Variants in CSMD1 observed in about 807,000 individuals in gnomAD.
CSMD1 encodes CUB and sushi domain-containing protein 1.
In CSMD1, 213 loss-of-function variants were observed where a neutral mutation model predicts 417.5. That is an observed-to-expected ratio of 0.51 (90% CI 0.46 to 0.57). The LOEUF is 0.57. CSMD1 is among the 20% of genes least tolerant of loss of function. CSMD1 has a pLI of 0.00. For missense variants in CSMD1, 6,923 were observed against 4,529.7 expected (o/e 1.53, Z -15.17); for synonymous variants, 2,862 against 1,736.8 (o/e 1.65, Z -16.11).
At chr8:3,924,733 T>C (rs1304871758) in intron 5 of CSMD1, among the ~76,000 whole-genome samples, 2 of 151,884 alleles carry the variant, frequency 1.3e-5, no homozygotes, top group African/African-American at 4.8e-5. Flanking sequence ...TTCACCTCTT[T>C]GTTGAACTAC....
At chr8:4,352,073 C>T (rs1053125762) in intron 3 of CSMD1, among the ~76,000 whole-genome samples, 7 of 151,670 alleles carry the variant, frequency 4.6e-5, no homozygotes, top group Non-Finnish European at 1.0e-4. Context: ...TCAGTGTTAG[C>T]CACTCTCCTT....
intron 2 of CSMD1, among the ~76,000 whole-genome samples, chr8:4,546,859 A>G (rs966505913): frequency 3.3e-5 from 5 of 152,000 alleles, no homozygotes; most frequent in Non-Finnish European, 7.4e-5. Flanking sequence ...ATATATATGT[A>G]TATCCTATCT....
Position 3,998,129 on chromosome 8 carries a change from A to C in CSMD1, c.611-19T>G. The C allele has an allele frequency of 1.3e-6, 2 of 1,545,658 alleles. No individual in the cohort carries two copies. Among genetic ancestry groups the C allele is most frequent in the Non-Finnish European group, 1.8e-6 (2 of 1,141,616 alleles). ...CCCTCAGCTGCAGGGGCAAAAGCAG[A>C]AAGAAAGCATCACATTTCAGGATGG... On this transcript the variant is annotated intron_variant, in intron 4 of 69. Coordinates refer to ENST00000635120, the MANE Select transcript of CSMD1 (RefSeq NM_033225.6).
intron 3 of CSMD1, among the ~76,000 whole-genome samples, chr8:4,108,264 C>A (rs1354238002): frequency 6.6e-6 from 1 of 152,094 alleles, no homozygotes; most frequent in Non-Finnish European, 1.5e-5. Context: ...TGAGTTGTTT[C>A]AAATGCTGTT....
At chr8:4,295,769 T>TATATATATATATATAC (rs1797646938) in intron 3 of CSMD1, among the ~76,000 whole-genome samples, 2 of 37,402 alleles carry the variant, frequency 5.3e-5, no homozygotes, top group South Asian at 4.4e-3. Context: ...TATATATATA[T>TATATATATATATATAC]ATATATATAT....
At chr8:3,735,914 C>A in intron 6 of CSMD1, among the ~76,000 whole-genome samples, 1 of 151,880 alleles carries the variant, frequency 6.6e-6, no homozygotes, top group Non-Finnish European at 1.5e-5. Context: ...ACAAAAATTA[C>A]AGCCTCCTAA....
intron 2 of CSMD1, among the ~76,000 whole-genome samples, chr8:4,575,816 G>T (rs558590125): frequency 1.3e-5 from 2 of 152,250 alleles, no homozygotes; most frequent in Admixed American, 1.3e-4. Flanking sequence ...GCTAGTCTGA[G>T]GTCGCAATGT....
At chr8:3,984,845 A>C (rs1340199769) in intron 5 of CSMD1, among the ~76,000 whole-genome samples, 1 of 150,620 alleles carries the variant, frequency 6.6e-6, no homozygotes, top group Non-Finnish European at 1.5e-5. Context: ...AAAAGGAGCA[A>C]GAAGAAAGCC....
At chr8:4,442,154 G>A (rs1432041107) in intron 2 of CSMD1, among the ~76,000 whole-genome samples, 1 of 152,120 alleles carries the variant, frequency 6.6e-6, no homozygotes, top group Admixed American at 6.6e-5. Context: ...AAAAACATCT[G>A]AAACACAGCT....
At chr8:3,397,639 G>A (rs1279862645) in intron 16 of CSMD1, among the ~76,000 whole-genome samples, 2 of 152,162 alleles carry the variant, frequency 1.3e-5, no homozygotes, top group Admixed American at 1.3e-4. Flanking sequence ...TCAGTTGTTT[G>A]AGTTCAAATT....
chr8:3,978,864 G>C (rs1813640113), intron 5 of CSMD1, among the ~76,000 whole-genome samples: 1 of 152,064 alleles, frequency 6.6e-6, no homozygotes, highest in Non-Finnish European at 1.5e-5. Flanking sequence ...GCTCCCATTA[G>C]GTTTAATGAA....
At chr8:3,474,401 T>G (rs1239653234) in intron 11 of CSMD1, among the ~76,000 whole-genome samples, 3 of 152,138 alleles carry the variant, frequency 2.0e-5, no homozygotes, top group Non-Finnish European at 4.4e-5. Flanking sequence ...CAATGTTTTC[T>G]TGGCAAACAA....
chr8:3,114,319 A>G (rs1008307410), intron 42 of CSMD1, among the ~76,000 whole-genome samples: 3 of 152,064 alleles, frequency 2.0e-5, no homozygotes, highest in East Asian at 1.9e-4. Context: ...CTTATCATTT[A>G]TAGATGGTTT....
At chr8:3,155,647 G>A (rs1317268484) in intron 39 of CSMD1, among the ~76,000 whole-genome samples, 4 of 151,632 alleles carry the variant, frequency 2.6e-5, no homozygotes, top group East Asian at 3.9e-4. Flanking sequence ...GATTACAGGC[G>A]TGAGCCACCG....
intron 7 of CSMD1, among the ~76,000 whole-genome samples, chr8:3,617,967 T>C (rs981446745): frequency 1.3e-5 from 2 of 152,128 alleles, no homozygotes; most frequent in Non-Finnish European, 1.5e-5. Flanking sequence ...TTGATTAAAA[T>C]TACCATAAAA....
chr8:4,730,462 C>T (rs1809770112), intron 1 of CSMD1, among the ~76,000 whole-genome samples: 1 of 152,060 alleles, frequency 6.6e-6, no homozygotes. Flanking sequence ...AGAAAATGGC[C>T]AGGAGCAGTG....
intron 3 of CSMD1, among the ~76,000 whole-genome samples, chr8:4,278,940 C>A (rs764715295): frequency 6.6e-6 from 1 of 152,166 alleles, no homozygotes; most frequent in African/African-American, 2.4e-5. Context: ...AATACTTGCC[C>A]TTCCCTGTAT....
At chr8:3,397,725 G>C (rs951570495) in intron 16 of CSMD1, among the ~76,000 whole-genome samples, 6 of 152,142 alleles carry the variant, frequency 3.9e-5, no homozygotes, top group African/African-American at 9.7e-5. Context: ...TGTTTCTTTA[G>C]TAACAGTGAG....
chr8:3,802,837 C>T (rs188529676), intron 5 of CSMD1, among the ~76,000 whole-genome samples: 1 of 152,110 alleles, frequency 6.6e-6, no homozygotes, highest in South Asian at 2.1e-4. Flanking sequence ...GTGAAGGGCA[C>T]TTTTAAGCAT....
Sources: gnomAD v4.1 joint callset for allele counts (sites outside exome capture counted in the v4.1 genomes callset) on GRCh38, gnomAD v4.1.1 for gene constraint, MANE v1.5 for transcripts, NCBI Gene and HGNC (gene_info 2026-07-23, HGNC 2026-07-21) for gene names.